The following PADI2 variants were observed in gnomAD, a reference collection of about 807,000 sequenced individuals.
PADI2 encodes the protein protein-arginine deiminase type-2.
A neutral mutation model predicts 81.1 loss-of-function variants in PADI2; 70 were observed. The observed-to-expected ratio is 0.86, with a 90% CI of 0.71 to 1.05. The LOEUF (loss-of-function observed/expected upper bound fraction) is 1.05, where lower values mean the gene tolerates loss of function less well. Among genes scored for constraint, PADI2 ranks in the 50% least tolerant of loss-of-function variants. The pLI, the probability that PADI2 is intolerant of heterozygous loss-of-function variation, is 0.00. For missense variants in PADI2, 853 were observed against 889.9 expected (o/e 0.96, Z 0.53); for synonymous variants, 338 against 358.0 (o/e 0.94, Z 0.63).
chr1:17,086,109 T>C (rs1557763329), intron 7 of PADI2, among the ~76,000 whole-genome samples: 1 of 151,876 alleles, frequency 6.6e-6, no homozygotes, highest in Non-Finnish European at 1.5e-5. Flanking sequence ...TAACCCACAG[T>C]TGGGGGAGGG....
At chr1:17,096,717 A>C (rs769466999) in intron 3 of PADI2, among the ~76,000 whole-genome samples, 1 of 152,228 alleles carries the variant, frequency 6.6e-6, no homozygotes, top group Non-Finnish European at 1.5e-5. Flanking sequence ...GTTTAGTATC[A>C]GACAAGGTGG....
chr1:17,086,703 G>T lies in PADI2; in HGVS notation c.656-4C>A. 1 of 1,612,548 alleles carries T rather than the reference G, an allele frequency of 6.2e-7. No homozygotes were observed. The highest frequency in any genetic ancestry group is 8.5e-7 in the Non-Finnish European group (1 of 1,179,048). ...TAGCGTTGGCCGAAGAACGGGTCTGGAGGGAAAAGGACCAACGTCAGACTC... is the reference window on the plus strand; with the variant it reads ...TAGCGTTGGCCGAAGAACGGGTCTGTAGGGAAAAGGACCAACGTCAGACTC... On this transcript the variant is annotated splice_polypyrimidine_tract_variant and splice_region_variant and intron_variant, in intron 6 of 15. Transcript: ENST00000375486.
rs954411227 is a variant in PADI2 at position 17,115,375 on chromosome 1, G to T, written c.92+3905C>A. On this transcript the variant is annotated intron_variant, in intron 1 of 15. Coordinates refer to ENST00000375486, the MANE Select transcript of PADI2 (RefSeq NM_007365.3). This position sits in a 1 kb window ranked among gnomAD's most constrained non-coding sequence, Gnocchi z 4.1. ...ATCATTCCAGTGTCCTGAAGCTCCT[G>T]CAGACCTCAGGATCTGGATCCTGGC... Among the ~76,000 whole-genome samples, 7 of 152,212 alleles carry T rather than the reference G, an allele frequency of 4.6e-5. No individual in the cohort carries two copies. The highest frequency in any genetic ancestry group is 1.7e-4 in the African/African-American group (7 of 41,472).
Position 17,107,334 on chromosome 1 carries a change from A to AGACT in PADI2, c.93-2274_93-2273insAGTC, listed in dbSNP as rs1189479652. On this transcript the variant is annotated intron_variant, in intron 1 of 15. Transcript: ENST00000375486. ...GTAGATTTGTAGATCCAGTCTCTGGAGAGGCTGGCTGGCATGGCAGAGGCT... is the reference window on the plus strand; with the variant it reads ...GTAGATTTGTAGATCCAGTCTCTGGAGACTGAGGCTGGCTGGCATGGCAGAGGCT... Among the ~76,000 whole-genome samples the AGACT allele has an allele frequency of 4.6e-5, 7 of 152,228 alleles. No homozygotes were observed. The South Asian group carries it at 1.0e-3, about 23-fold the overall frequency.
rs1261163634 is a variant in PADI2, at chr1:17,070,184, C to G, written c.1668G>C (p.Lys556Asn). ...CCTGCTCTGTCAGTCCCAGCTCCTT[C>G]TTGAGGATGTCACGGTTCCAGTCTA... ...RCLDWNRDIL[K>N]KELGLTEQDI... The change falls in exon 15 of 16, where the codon AAG (lysine) becomes AAC (asparagine). Residue 556 changes from lysine to asparagine, a missense_variant. Lys to Asn is a moderately conservative substitution (Grantham distance 94, BLOSUM62 0). Coordinates refer to ENST00000375486, the MANE Select transcript of PADI2 (RefSeq NM_007365.3). 2 of 1,613,978 alleles carry G rather than the reference C, an allele frequency of 1.2e-6. No individual in the cohort carries two copies. Among genetic ancestry groups the G allele is most frequent in the Admixed American group, 1.7e-5 (1 of 59,990 alleles).
chr1:17,091,268 G>A (rs1490819872), intron 6 of PADI2, among the ~76,000 whole-genome samples: 1 of 147,872 alleles, frequency 6.8e-6, no homozygotes, highest in Admixed American at 6.8e-5. Context: ...TCGGGGCTGG[G>A]CCAGAGATCC....
In PADI2 at chr1:17,086,716, C is replaced by G. The variant is rs1930456869; in HGVS notation, c.656-17G>C. On this transcript the variant is annotated splice_polypyrimidine_tract_variant and intron_variant, in intron 6 of 15. Transcript: ENST00000375486. ...AGAACGGGTCTGGAGGGAAAAGGAC[C>G]AACGTCAGACTCCCACCCGCATCAG... The G allele has an allele frequency of 1.2e-6, 2 of 1,607,078 alleles. No individual in the cohort carries two copies. The highest frequency in any genetic ancestry group is 1.7e-6 in the Non-Finnish European group (2 of 1,175,146).
intron 1 of PADI2, among the ~76,000 whole-genome samples, chr1:17,118,725 G>A (rs1372831333): frequency 1.3e-5 from 2 of 152,180 alleles, no homozygotes; most frequent in Non-Finnish European, 2.9e-5. Flanking sequence ...GCCAGTGCCT[G>A]GGGACAAGCA....
chr1:17,099,701 C>T (rs1028234701), intron 3 of PADI2, among the ~76,000 whole-genome samples: 1 of 152,252 alleles, frequency 6.6e-6, no homozygotes, highest in East Asian at 1.9e-4. Context: ...AGAGAAAATG[C>T]GGCCACCTCA....
In PADI2 at chr1:17,118,515, C is replaced by T. The variant is rs539303054; in HGVS notation, c.92+765G>A. Among the ~76,000 whole-genome samples the T allele has an allele frequency of 6.6e-5, 10 of 152,256 alleles. No individual in the cohort carries two copies. In the East Asian group the frequency reaches 1.9e-3, roughly 29 times the overall value. ...GAGTGGTAGGGCCCTACCCTACCTT[C>T]AGCTGTCTCGGACATCCCGCACTCT... On this transcript the variant is annotated intron_variant, in intron 1 of 15. Transcript: ENST00000375486.
intron 8 of PADI2, 150 bp from the exon 9 acceptor site, chr1:17,083,987 C>T (rs750081263): frequency 4.3e-5 from 26 of 598,750 alleles, no homozygotes; most frequent in Middle Eastern, 4.4e-4. Flanking sequence ...TTATAAAGGC[C>T]GCTGGAATCA....
intron 13 of PADI2, among the ~76,000 whole-genome samples, chr1:17,071,747 T>C (rs2078265994): frequency 6.6e-6 from 1 of 152,182 alleles, no homozygotes. Flanking sequence ...GCTGCCTTGC[T>C]CTTGCTTTGG....
At chr1:17,104,426 C>CTTTTTTTTTTTT (rs1233283967) in intron 2 of PADI2, among the ~76,000 whole-genome samples, 22 of 98,288 alleles carry the variant, frequency 2.2e-4, no homozygotes, top group African/African-American at 8.0e-4. Context: ...TTCTTTTTGC[C>CTTTTTTTTTTTT]TTTTCTTTTT....
At chr1:17,109,389 TAAAAA>T (rs566123530) in intron 1 of PADI2, among the ~76,000 whole-genome samples, 2 of 50,070 alleles carry the variant, frequency 4.0e-5, no homozygotes, top group African/African-American at 1.0e-4. Context: ...CTCTGTCTAT[TAAAAA>T]AAAAAAAAAA....
intron 4 of PADI2, among the ~76,000 whole-genome samples, chr1:17,094,764 G>T (rs959433842): frequency 3.7e-4 from 56 of 152,372 alleles, no homozygotes; most frequent in African/African-American, 1.2e-3. Flanking sequence ...CAGGCTCATG[G>T]GGATCGTGTG....
At chr1:17,106,306 G>A (rs1931373292) in intron 1 of PADI2, among the ~76,000 whole-genome samples, 1 of 152,138 alleles carries the variant, frequency 6.6e-6, no homozygotes, top group Non-Finnish European at 1.5e-5. Context: ...ATGTGATCTG[G>A]CTGCTGTGTA....
At chr1:17,102,915 T>G (rs1488483958) in intron 3 of PADI2, 72 bp downstream of exon 3, 2 of 1,140,918 alleles carry the variant, frequency 1.8e-6, no homozygotes, top group East Asian at 5.0e-5. Context: ...ACCGCCTAAG[T>G]GCCCCAGAGA....
Position 17,115,742 on chromosome 1 carries a change from G to A in PADI2, c.92+3538C>T, listed in dbSNP as rs1211202315. On this transcript the variant is annotated intron_variant, in intron 1 of 15. Coordinates refer to ENST00000375486, the MANE Select transcript of PADI2 (RefSeq NM_007365.3). The surrounding 1 kb of genome is among the most constrained non-coding windows in gnomAD (Gnocchi z 4.1). ...GTGACTGTCGGCTAAAGGGACCACC[G>A]GAGGAGATTGTGTGGGCCAGGTGTA... is the stretch of plus-strand genomic sequence containing the variant. 6.6e-6 allele frequency among the ~76,000 whole-genome samples: 1 copy of A among 152,330 alleles called. No homozygotes were observed. The highest frequency in any genetic ancestry group is 1.9e-4 in the East Asian group (1 of 5,178).
At chr1:17,087,069 T>C (rs545173674) in intron 6 of PADI2, among the ~76,000 whole-genome samples, 13 of 152,048 alleles carry the variant, frequency 8.5e-5, no homozygotes, top group African/African-American at 3.1e-4. Context: ...AAAGGAGGAG[T>C]GGCTTGTCCA....
Sources: gnomAD v4.1 joint callset for allele counts (sites outside exome capture counted in the v4.1 genomes callset) on GRCh38, gnomAD v4.1.1 for gene constraint, Gnocchi (gnomAD v3.1) non-coding constraint, MANE v1.5 for transcripts, NCBI Gene and HGNC (gene_info 2026-07-23, HGNC 2026-07-21) for gene names.